Variants in KIF16B observed in about 807,000 individuals in gnomAD.
KIF16B encodes the protein kinesin family member 16B.
KIF16B carries 98 observed loss-of-function variants against 156.3 expected under a neutral mutation model. The ratio of observed to expected loss-of-function variants is 0.63; its 90% CI spans 0.53 to 0.74. The LOEUF is 0.74. Among genes scored for constraint, KIF16B ranks in the 30% least tolerant of loss-of-function variants. The pLI, the probability that KIF16B is intolerant of heterozygous loss-of-function variation, is 0.00. For missense variants in KIF16B, 1,421 were observed against 1,606.5 expected (o/e 0.88, Z 1.97); for synonymous variants, 564 against 583.7 (o/e 0.97, Z 0.49).
intron 1 of KIF16B, among the ~76,000 whole-genome samples, chr20:16,551,749 T>G (rs2070674313): frequency 6.6e-6 from 1 of 152,140 alleles, no homozygotes. Flanking sequence ...CAGTGTTCCT[T>G]GCAATCAAGC....
chr20:16,493,356 C>T (rs77556041), intron 12 of KIF16B, among the ~76,000 whole-genome samples: 174 of 152,310 alleles, frequency 1.1e-3, no homozygotes, highest in African/African-American at 3.8e-3. Context: ...AGATGCAGAA[C>T]TCACCTGCAA....
chr20:16,305,788 G>A (rs1326883882), intron 25 of KIF16B, among the ~76,000 whole-genome samples: 1 of 152,052 alleles, frequency 6.6e-6, no homozygotes, highest in Non-Finnish European at 1.5e-5. Flanking sequence ...TTGTCTTTCT[G>A]TTCCTGGCTT....
intron 25 of KIF16B, among the ~76,000 whole-genome samples, chr20:16,294,758 C>A (rs538341275): frequency 6.6e-6 from 1 of 152,112 alleles, no homozygotes; most frequent in East Asian, 1.9e-4. Context: ...AACAGCACAG[C>A]GTATGTCAGC....
chr20:16,356,505 C>T, intron 22 of KIF16B, 53 bp from the exon 23 acceptor site: 1 of 1,605,080 alleles, frequency 6.2e-7, no homozygotes, highest in Non-Finnish European at 8.5e-7. Context: ...AATCACTCCA[C>T]TGCAAATATC....
At chr20:16,544,611 A>AAT (rs1266049824) in intron 1 of KIF16B, among the ~76,000 whole-genome samples, 1 of 150,234 alleles carries the variant, frequency 6.7e-6, no homozygotes, top group Admixed American at 6.6e-5. Context: ...CCATCTCAAA[A>AAT]AAAAAAAAAA....
intron 24 of KIF16B, among the ~76,000 whole-genome samples, chr20:16,313,528 A>G (rs2063652655): frequency 6.6e-6 from 1 of 152,216 alleles, no homozygotes; most frequent in South Asian, 2.1e-4. Flanking sequence ...CAGCACTCGC[A>G]TCAAGAAGCA....
intron 25 of KIF16B, among the ~76,000 whole-genome samples, chr20:16,276,422 C>T (rs1374553467): frequency 3.9e-5 from 6 of 152,164 alleles, no homozygotes; most frequent in Non-Finnish European, 8.8e-5. Flanking sequence ...TTGACAAAAA[C>T]TCCAGATAGA....
At chr20:16,510,543 G>C (rs2068925848) in intron 6 of KIF16B, among the ~76,000 whole-genome samples, 1 of 152,068 alleles carries the variant, frequency 6.6e-6, no homozygotes, top group South Asian at 2.1e-4. Flanking sequence ...CCTGCTACTG[G>C]GGAGGCTGAG....
At chr20:16,549,502 C>T (rs376319054) in intron 1 of KIF16B, among the ~76,000 whole-genome samples, 25 of 151,920 alleles carry the variant, frequency 1.6e-4, no homozygotes, top group East Asian at 1.2e-3. Flanking sequence ...AATAAACATA[C>T]GTGTGCATGT....
chr20:16,505,136 G>T (rs1040385583), intron 9 of KIF16B, among the ~76,000 whole-genome samples: 2 of 152,184 alleles, frequency 1.3e-5, no homozygotes, highest in Non-Finnish European at 2.9e-5. Context: ...AGGGCATGAA[G>T]AGAGGGGAAG....
chr20:16,442,535 T>A (rs954550100), intron 12 of KIF16B, among the ~76,000 whole-genome samples: 1 of 152,090 alleles, frequency 6.6e-6, no homozygotes, highest in Admixed American at 6.6e-5. Context: ...AATGGTGTCT[T>A]GGCATGATTC....
In KIF16B at chr20:16,301,665, C is replaced by CT. The variant is rs937110157; in HGVS notation, c.3795+10669dup. On this transcript the variant is annotated intron_variant, in intron 25 of 25. Transcript: ENST00000354981. ...GTCCAAGTCTTTTGCCCATTTTTTT[C>CT]TTTTTTTTGAGACAGAGTCTCACTC... Among the ~76,000 whole-genome samples, 9 of 151,440 alleles carry CT rather than the reference C, an allele frequency of 5.9e-5. No homozygotes were observed. In the South Asian group the frequency reaches 6.3e-4, roughly 11 times the overall value.
chr20:16,500,494 C>T (rs551982498), intron 10 of KIF16B, among the ~76,000 whole-genome samples: 4 of 152,190 alleles, frequency 2.6e-5, no homozygotes, highest in Non-Finnish European at 5.9e-5. Flanking sequence ...TCTATGTGAG[C>T]TTTCACAGAA....
intron 25 of KIF16B, among the ~76,000 whole-genome samples, chr20:16,308,755 C>G (rs1479039624): frequency 6.6e-6 from 1 of 152,264 alleles, no homozygotes; most frequent in African/African-American, 2.4e-5. Flanking sequence ...ATTGCTGATA[C>G]TCCACCATTT....
intron 15 of KIF16B, among the ~76,000 whole-genome samples, chr20:16,423,826 C>T (rs1041930188): frequency 1.3e-5 from 2 of 152,006 alleles, no homozygotes; most frequent in Non-Finnish European, 2.9e-5. Flanking sequence ...AGTCTAGACT[C>T]CATACAGGAT....
Position 16,422,595 on chromosome 20 carries a change from C to T in KIF16B, c.1612+4509G>A, listed in dbSNP as rs930568327. On this transcript the variant is annotated intron_variant, in intron 15 of 25. Transcript: ENST00000354981. ...AGCAGCCAGTATGGATGTTTGGGGG[C>T]TATTTGTGATTTAAGAACTACTTAT... Among the ~76,000 whole-genome samples the T allele has an allele frequency of 1.3e-4, 20 of 151,978 alleles. No homozygotes were observed. The South Asian group carries it at 2.3e-3, about 17-fold the overall frequency.
At chr20:16,417,968 A>G (rs2066132552) in intron 15 of KIF16B, among the ~76,000 whole-genome samples, 1 of 152,230 alleles carries the variant, frequency 6.6e-6, no homozygotes, top group African/African-American at 2.4e-5. Context: ...GGGGGAAAAA[A>G]AAATTAACAA....
chr20:16,513,383 G>A (rs2069022528), intron 4 of KIF16B, among the ~76,000 whole-genome samples: 1 of 152,110 alleles, frequency 6.6e-6, no homozygotes, highest in South Asian at 2.1e-4. Context: ...TGCTGGCCGG[G>A]TGCGGTGGTT....
At chr20:16,357,587 G>A (rs561764893) in intron 22 of KIF16B, among the ~76,000 whole-genome samples, 2 of 152,312 alleles carry the variant, frequency 1.3e-5, no homozygotes, top group East Asian at 1.9e-4. Flanking sequence ...ACCCACTTAT[G>A]TGACTATAAA....
Sources: gnomAD v4.1 joint callset for allele counts (sites outside exome capture counted in the v4.1 genomes callset) on GRCh38, gnomAD v4.1.1 for gene constraint, MANE v1.5 for transcripts, NCBI Gene and HGNC (gene_info 2026-07-23, HGNC 2026-07-21) for gene names.